The following BANF2 variants were observed in gnomAD, a reference collection of about 807,000 sequenced individuals.
BANF2 encodes the protein barrier-to-autointegration factor-like protein.
Under a neutral mutation model 8.0 loss-of-function variants are expected in BANF2, and 4 were observed. The observed-to-expected ratio is 0.50, with a 90% CI of 0.25 to 1.14. BANF2 has a LOEUF of 1.14. Ranked by LOEUF, BANF2 falls within the 50% of genes most tolerant of loss-of-function variation. The pLI is 0.16. For synonymous variants in BANF2, 50 were observed against 40.6 expected, an observed-to-expected ratio of 1.23 and a Z score of -0.88; for missense variants, 96 against 107.5, an observed-to-expected ratio of 0.89 and a Z score of 0.47.
At chr20:17,712,795 T>C (rs1004073303) in intron 1 of BANF2, among the ~76,000 whole-genome samples, 4 of 149,106 alleles carry the variant, frequency 2.7e-5, no homozygotes, top group Non-Finnish European at 3.0e-5. Context: ...CATAAGGGGG[T>C]GTATATTGAG....
chr20:17,711,840 G>A (rs1316527321), intron 1 of BANF2, among the ~76,000 whole-genome samples: 1 of 152,182 alleles, frequency 6.6e-6, no homozygotes, highest in African/African-American at 2.4e-5. Context: ...AAGGAGACCT[G>A]CGCATGGCAC....
chr20:17,695,601 G>GGTGTGTGT (rs71192402), upstream of BANF2, among the ~76,000 whole-genome samples: 1 of 149,790 alleles, frequency 6.7e-6, no homozygotes, highest in Admixed American at 6.7e-5. Flanking sequence ...AAAAACCTAG[G>GGTGTGTGT]GTGTGTGTGT....
chr20:17,729,829 C>T (rs141984934), intron 3 of BANF2, among the ~76,000 whole-genome samples: 75 of 152,378 alleles, frequency 4.9e-4, no homozygotes, highest in African/African-American at 1.8e-3. Flanking sequence ...GCTTTTCTCC[C>T]TAAGTTCCTT....
rs116779679 is a variant in BANF2 at position 17,724,027 on chromosome 20, G to A, written c.-3-996G>A. Among the ~76,000 whole-genome samples the A allele has an allele frequency of 4.8e-3, 728 of 152,176 alleles. 6 individuals are homozygous for A. Among genetic ancestry groups the A allele is most frequent in the African/African-American group, 0.017 (710 of 41,520 alleles). Reference sequence around the variant, plus strand: ...AAAACAAAACAAAAAACTGGAAGATGGCAACCCTCATTTAACAAAATGGCC... The same window carrying A: ...AAAACAAAACAAAAAACTGGAAGATAGCAACCCTCATTTAACAAAATGGCC... On this transcript the variant is annotated intron_variant, in intron 2 of 3. Transcript: ENST00000246090.
At chr20:17,703,771 T>A (rs2037443275) in intron 1 of BANF2, among the ~76,000 whole-genome samples, 1 of 149,764 alleles carries the variant, frequency 6.7e-6, no homozygotes, top group African/African-American at 2.5e-5. Context: ...TGACAGTGTC[T>A]TGCTCTGTTG....
intron 1 of BANF2, among the ~76,000 whole-genome samples, chr20:17,708,700 G>A (rs549925672): frequency 2.6e-5 from 4 of 152,034 alleles, no homozygotes; most frequent in African/African-American, 7.2e-5. Flanking sequence ...TTTGCAACCC[G>A]TGATTTGAAC....
At chr20:17,730,793 G>A (rs187318140) in intron 3 of BANF2, among the ~76,000 whole-genome samples, 10 of 152,346 alleles carry the variant, frequency 6.6e-5, no homozygotes, top group Non-Finnish European at 8.8e-5. Flanking sequence ...GCGGTGAGAC[G>A]CTGTGCTCCA....
At chr20:17,733,047 T>C (rs1187184443) in intron 3 of BANF2, among the ~76,000 whole-genome samples, 1 of 152,112 alleles carries the variant, frequency 6.6e-6, no homozygotes, top group Non-Finnish European at 1.5e-5. Flanking sequence ...AGTGTCAGGT[T>C]GCCACTTGGC....
chr20:17,721,462 G>A lies in BANF2; in HGVS notation c.-166-1254G>A, dbSNP rs183220998. Among the ~76,000 whole-genome samples the A allele has an allele frequency of 2.2e-3, 331 of 151,308 alleles. 4 individuals carry two copies. Among genetic ancestry groups the A allele is most frequent in the African/African-American group, 7.7e-3 (319 of 41,168 alleles). ...GCTGGAGTGCAGTGGCGCAATCTCA[G>A]CTCACTGCAACCTCCACCTCCCAGG... On this transcript the variant is annotated intron_variant, in intron 1 of 3. Coordinates refer to ENST00000246090, the MANE Select transcript of BANF2 (RefSeq NM_178477.5).
At chr20:17,708,877 A>C (rs892616473) in intron 1 of BANF2, among the ~76,000 whole-genome samples, 1 of 152,220 alleles carries the variant, frequency 6.6e-6, no homozygotes, top group African/African-American at 2.4e-5. Context: ...CCTCCTAAGG[A>C]ATGCGTGTAT....
intron 3 of BANF2, among the ~76,000 whole-genome samples, chr20:17,726,013 AT>A (rs1448012113): frequency 6.6e-6 from 1 of 152,194 alleles, no homozygotes; most frequent in Non-Finnish European, 1.5e-5. Context: ...TAGCTGGTAA[AT>A]ACTCAGAATA....
intron 3 of BANF2, among the ~76,000 whole-genome samples, chr20:17,731,777 A>AAAGT (rs1365236373): frequency 2.7e-5 from 4 of 150,628 alleles, no homozygotes; most frequent in Admixed American, 6.6e-5. Flanking sequence ...AAAAAAAAAA[A>AAAGT]AAAAGTAGGC....
chr20:17,705,818 A>G (rs565482579), intron 1 of BANF2, among the ~76,000 whole-genome samples: 77 of 152,370 alleles, frequency 5.1e-4, no homozygotes, highest in African/African-American at 1.6e-3. Context: ...CATGCTGTGC[A>G]GAAGCATCTC....
chr20:17,695,422 G>C (rs1217763238), upstream of BANF2, among the ~76,000 whole-genome samples: 8 of 142,642 alleles, frequency 5.6e-5, no homozygotes, highest in Admixed American at 4.3e-4. Flanking sequence ...CTCCAGCCTG[G>C]GGTACAGAGC....
intron 3 of BANF2, among the ~76,000 whole-genome samples, chr20:17,732,875 G>A (rs926457753): frequency 3.9e-5 from 6 of 152,310 alleles, no homozygotes; most frequent in South Asian, 4.1e-4. Context: ...TTCTGGAGCC[G>A]GGGGAGAAAC....
chr20:17,700,594 C>A (rs182125282), intron 1 of BANF2, among the ~76,000 whole-genome samples: 1 of 152,188 alleles, frequency 6.6e-6, no homozygotes, highest in African/African-American at 2.4e-5. Context: ...CAAATCACTT[C>A]CTTTCCTTTT....
intron 3 of BANF2, among the ~76,000 whole-genome samples, chr20:17,728,526 T>C (rs574053735): frequency 6.6e-6 from 1 of 152,272 alleles, no homozygotes; most frequent in East Asian, 1.9e-4. Flanking sequence ...TTCTCCTCCA[T>C]TCCTCCTCTC....
chr20:17,701,146 G>C (rs2037403112), intron 1 of BANF2, among the ~76,000 whole-genome samples: 1 of 152,146 alleles, frequency 6.6e-6, no homozygotes, highest in Admixed American at 6.5e-5. Context: ...AGACGCCAAT[G>C]GTTCACCAAG....
At chr20:17,722,095 A>G (rs2037739278) in intron 1 of BANF2, among the ~76,000 whole-genome samples, 1 of 152,186 alleles carries the variant, frequency 6.6e-6, no homozygotes, top group African/African-American at 2.4e-5. Flanking sequence ...CCACTGTTGC[A>G]GCCAAAGGTG....
Sources: allele counts gnomAD v4.1 joint callset (sites outside exome capture counted in the v4.1 genomes callset), GRCh38; gene constraint gnomAD v4.1.1; transcripts MANE v1.5; gene names NCBI Gene and HGNC (gene_info 2026-07-23, HGNC 2026-07-21).